Variants in KIAA0232 observed in about 807,000 individuals in gnomAD.
KIAA0232 encodes the protein KIAA0232.
In KIAA0232, 27 loss-of-function variants were observed where a neutral mutation model predicts 122.0. That is an observed-to-expected ratio of 0.22 (90% CI 0.16 to 0.31). KIAA0232 has a LOEUF of 0.31. KIAA0232 is among the 10% of genes least tolerant of loss of function. The pLI is 1.00. For synonymous variants in KIAA0232, 613 were observed against 587.6 expected (o/e 1.04, Z -0.63); for missense variants, 1,551 against 1,634.2 (o/e 0.95, Z 0.88).
intron 3 of KIAA0232, among the ~76,000 whole-genome samples, chr4:6,836,872 T>C (rs1225710306): frequency 1.3e-5 from 2 of 152,184 alleles, no homozygotes; most frequent in Non-Finnish European, 2.9e-5. Flanking sequence ...GGGGCAAGGT[T>C]ATAGATTAAC....
intron 3 of KIAA0232, among the ~76,000 whole-genome samples, chr4:6,839,951 G>C (rs577058253): frequency 6.6e-6 from 1 of 152,146 alleles, no homozygotes; most frequent in African/African-American, 2.4e-5. Flanking sequence ...GTTATTTTGA[G>C]CAATATATCA....
At chr4:6,866,336 C>A in intron 7 of KIAA0232, 1 of 512,474 alleles carries the variant, frequency 2.0e-6, no homozygotes, top group Non-Finnish European at 2.5e-6. Flanking sequence ...AAAAAATTCC[C>A]AGAGGACATT....
intron 4 of KIAA0232, among the ~76,000 whole-genome samples, chr4:6,843,927 C>CTTTT (rs373793407): frequency 0.017 from 774 of 46,404 alleles, 109 homozygotes; most frequent in Non-Finnish European, 0.02. Context: ...AGTTACCCAT[C>CTTTT]TTTTTTTTTT....
At chr4:6,832,627 A>T (rs1719056600) in intron 3 of KIAA0232, among the ~76,000 whole-genome samples, 1 of 152,078 alleles carries the variant, frequency 6.6e-6, no homozygotes, top group Non-Finnish European at 1.5e-5. Context: ...GGGATTACAG[A>T]AGTGAACCAC....
At chr4:6,798,902 C>A (rs1041541552) in intron 1 of KIAA0232, among the ~76,000 whole-genome samples, 1 of 152,150 alleles carries the variant, frequency 6.6e-6, no homozygotes, top group Non-Finnish European at 1.5e-5. Flanking sequence ...AATGCAGTTT[C>A]ATCAGGTGTA....
At chr4:6,792,921 C>T (rs368640162) in intron 1 of KIAA0232, among the ~76,000 whole-genome samples, 7 of 151,986 alleles carry the variant, frequency 4.6e-5, no homozygotes, top group East Asian at 1.9e-4. Context: ...CTCCTGATCT[C>T]GTGATCCGCC....
At chr4:6,857,373 A>C in intron 5 of KIAA0232, 143 bp downstream of exon 5, 6 of 569,420 alleles carry the variant, frequency 1.1e-5, no homozygotes, top group Admixed American at 3.7e-5. Flanking sequence ...GGCCAGCCTC[A>C]TGCTCCATCT....
At chr4:6,844,306 A>AT (rs966274945) in intron 4 of KIAA0232, among the ~76,000 whole-genome samples, 1 of 151,924 alleles carries the variant, frequency 6.6e-6, no homozygotes, top group Non-Finnish European at 1.5e-5. Context: ...AAAGGTACTG[A>AT]TTTTTTTAAA....
In KIAA0232 at chr4:6,855,055, G is replaced by C. The variant is rs998362221; in HGVS notation, c.370-2109G>C. Among the ~76,000 whole-genome samples the C allele has an allele frequency of 8.7e-4, 132 of 151,892 alleles. No homozygotes were observed. Among genetic ancestry groups the C allele is most frequent in the African/African-American group, 3.0e-3 (123 of 41,446 alleles). On this transcript the variant is annotated intron_variant, in intron 4 of 9. Coordinates refer to ENST00000307659, the MANE Select transcript of KIAA0232 (RefSeq NM_014743.3). This position sits in a 1 kb window ranked among gnomAD's most constrained non-coding sequence, Gnocchi z 4.3. ...CAGCTTGCTGTGATGGTGACCCAGG[G>C]TTCTCATGATTTTTTATTTTTTATT...
chr4:6,876,787 A>G, intron 9 of KIAA0232, 30 bp downstream of exon 9: 1 of 1,462,416 alleles, frequency 6.8e-7, no homozygotes, highest in Non-Finnish European at 9.6e-7. Flanking sequence ...CCTCGTCATT[A>G]ACTTACAAAC....
intron 2 of KIAA0232, among the ~76,000 whole-genome samples, chr4:6,815,548 C>T (rs781667352): frequency 6.6e-6 from 1 of 152,176 alleles, no homozygotes; most frequent in Admixed American, 6.5e-5. Flanking sequence ...ACATTTAGAT[C>T]TGTCATTATG....
At position 6,881,292 on chromosome 4, in the gene KIAA0232, C is replaced by CG. The variant is rs1350048303; in HGVS notation, c.*328dup. ...CTGCAGTTAATTTTCCTTCCGACTG[C>CG]GGTTATATCACTATGACCTTACTAG... On this transcript the variant is annotated 3_prime_UTR_variant, in exon 10 of 10. Coordinates refer to ENST00000307659, the MANE Select transcript of KIAA0232 (RefSeq NM_014743.3). The CG allele has an allele frequency of 5.5e-6, 1 of 182,796 alleles. No individual in the cohort carries two copies. The highest frequency in any genetic ancestry group is 2.3e-5 in the African/African-American group (1 of 42,574). The allele number at this position is 182,796 out of a possible 1,614,324, so 11.3% of individuals were successfully genotyped here.
chr4:6,806,247 T>C (rs1448877267), intron 2 of KIAA0232, among the ~76,000 whole-genome samples: 1 of 152,252 alleles, frequency 6.6e-6, no homozygotes, highest in Non-Finnish European at 1.5e-5. Flanking sequence ...AATGTCTACA[T>C]TGGTTATTAT....
At chr4:6,810,456 G>C (rs1252568317) in intron 2 of KIAA0232, among the ~76,000 whole-genome samples, 5 of 152,136 alleles carry the variant, frequency 3.3e-5, no homozygotes. Flanking sequence ...TAAACGTTAA[G>C]ACCTGAAACT....
chr4:6,797,926 C>T (rs1016210859), intron 1 of KIAA0232, among the ~76,000 whole-genome samples: 6 of 151,626 alleles, frequency 4.0e-5, no homozygotes, highest in Admixed American at 2.0e-4. Flanking sequence ...GGCACAGTGG[C>T]GGGCGCCTGT....
At chr4:6,860,438 C>A (rs966681444) in intron 6 of KIAA0232, among the ~76,000 whole-genome samples, 1 of 152,164 alleles carries the variant, frequency 6.6e-6, no homozygotes, top group Non-Finnish European at 1.5e-5. Flanking sequence ...TCAACGCTCA[C>A]AATAACTTTG....
chr4:6,838,244 A>T (rs966858865), intron 3 of KIAA0232, among the ~76,000 whole-genome samples: 1 of 150,068 alleles, frequency 6.7e-6, no homozygotes, highest in African/African-American at 2.5e-5. Context: ...ACTGGAGCAC[A>T]GTGGCGTGAT....
At chr4:6,868,955 G>T (rs1721324088) in intron 7 of KIAA0232, among the ~76,000 whole-genome samples, 1 of 152,146 alleles carries the variant, frequency 6.6e-6, no homozygotes, top group Admixed American at 6.5e-5. Flanking sequence ...GAGAAGAAAT[G>T]ATGTATGAGA....
chr4:6,798,657 G>A (rs1717242372), intron 1 of KIAA0232, among the ~76,000 whole-genome samples: 3 of 152,134 alleles, frequency 2.0e-5, no homozygotes, highest in African/African-American at 7.2e-5. Context: ...GCTCGAACGA[G>A]CCTCCCACCT....
Sources: gnomAD v4.1 joint callset for allele counts (sites outside exome capture counted in the v4.1 genomes callset) on GRCh38, gnomAD v4.1.1 for gene constraint, Gnocchi (gnomAD v3.1) non-coding constraint, MANE v1.5 for transcripts, NCBI Gene and HGNC (gene_info 2026-07-23, HGNC 2026-07-21) for gene names.